Variants in ATP6V0A4 observed in about 807,000 individuals in gnomAD.
ATP6V0A4 encodes the protein V-type proton ATPase 116 kDa subunit a 4.
Under a neutral mutation model 107.3 loss-of-function variants are expected in ATP6V0A4, and 86 were observed. The observed-to-expected ratio is 0.80, with a 90% CI of 0.67 to 0.96. ATP6V0A4 has a LOEUF of 0.96. ATP6V0A4 is among the 40% of genes least tolerant of loss of function. The probability of loss-of-function intolerance (pLI) is 0.00; values close to 1 mark genes in which losing one functional copy is unlikely to be tolerated. For synonymous variants in ATP6V0A4, 353 were observed against 381.4 expected (o/e 0.93, Z 0.87); for missense variants, 908 against 1,045.6 (o/e 0.87, Z 1.81).
chr7:138,795,218 C>A lies in ATP6V0A4; in HGVS notation c.-121+2816G>T, dbSNP rs144823387. 1.5e-3 allele frequency among the ~76,000 whole-genome samples: 223 copies of A among 152,178 alleles called. 2 individuals carry two copies. Among genetic ancestry groups the A allele is most frequent in the African/African-American group, 5.1e-3 (211 of 41,552 alleles). On this transcript the variant is annotated intron_variant, in intron 1 of 21. Transcript: ENST00000310018. ...TGCCTGGCCCAGCCTATACTATTTT[C>A]GAATAACAAAGTTCTTCCATCTGTA...
At chr7:138,707,868 C>G (rs1261884102) in intron 21 of ATP6V0A4, among the ~76,000 whole-genome samples, 4 of 151,614 alleles carry the variant, frequency 2.6e-5, no homozygotes, top group Non-Finnish European at 5.9e-5. Flanking sequence ...CAAGCCAAGA[C>G]ACCCTCACTG....
intron 1 of ATP6V0A4, among the ~76,000 whole-genome samples, chr7:138,788,808 A>G (rs1268214701): frequency 3.9e-5 from 6 of 152,004 alleles, no homozygotes; most frequent in Admixed American, 3.3e-4. Flanking sequence ...TCCCCTTCAC[A>G]CGCTTTCTTG....
At chr7:138,782,840 CGAGGCAGTTGGATCGCCT>C (rs1563019941) in intron 2 of ATP6V0A4, among the ~76,000 whole-genome samples, 2 of 151,986 alleles carry the variant, frequency 1.3e-5, no homozygotes, top group African/African-American at 4.8e-5. Context: ...TTTGGGAGGC[CGAGGCAGTTGGATCGCCT>C]GAGGTCAGGA....
chr7:138,771,055 C>T, intron 3 of ATP6V0A4, 76 bp downstream of exon 3: 1 of 1,372,632 alleles, frequency 7.3e-7, no homozygotes. Flanking sequence ...TATTGTTCAC[C>T]ATAAAGAAGT....
At chr7:138,719,100 C>A (rs1017623519) in intron 19 of ATP6V0A4, among the ~76,000 whole-genome samples, 1 of 151,932 alleles carries the variant, frequency 6.6e-6, no homozygotes, top group Non-Finnish European at 1.5e-5. Context: ...GCAGGAAGAT[C>A]GCTTGGGCTC....
At chr7:138,779,814 G>C (rs1032414796) in intron 2 of ATP6V0A4, among the ~76,000 whole-genome samples, 1 of 152,004 alleles carries the variant, frequency 6.6e-6, no homozygotes, top group Non-Finnish European at 1.5e-5. Context: ...CATGATAAAA[G>C]GAAAAGAGAG....
chr7:138,720,576 C>T (rs774435526), intron 19 of ATP6V0A4, among the ~76,000 whole-genome samples: 1 of 152,092 alleles, frequency 6.6e-6, no homozygotes, highest in African/African-American at 2.4e-5. Context: ...TCACTCTGTA[C>T]CTAGAATTTT....
chr7:138,768,650 G>T (rs540413922), intron 5 of ATP6V0A4, 130 bp downstream of exon 5: 8 of 1,131,220 alleles, frequency 7.1e-6, no homozygotes, highest in Non-Finnish European at 8.7e-6. Flanking sequence ...AGAGGGAGAC[G>T]ACCATGCAGG....
rs560499613 is a variant in ATP6V0A4, at chr7:138,709,754, G to A, written c.2299C>T (p.Leu767Phe). 80 of 1,614,074 alleles carry A rather than the reference G, an allele frequency of 5.0e-5. 1 individual carries two copies. The South Asian group carries it at 8.3e-4, about 17-fold the overall frequency. ...ATTCCTCCCCAGCCTCGCGTCTGAA[G>A]GCCGCTGTTCATCACCATAGTCCAG... ...VLWTMVMNSG[L>F]QTRGWGGIVG... is the part of the protein sequence containing the mutation. The change falls in exon 21 of 22, where the codon CTT becomes TTT. Residue 767 changes from leucine (L) to phenylalanine (F), a missense_variant. Transcript: ENST00000310018.
chr7:138,778,604 GC>G (rs1443465281), intron 2 of ATP6V0A4, among the ~76,000 whole-genome samples: 4 of 152,116 alleles, frequency 2.6e-5, no homozygotes, highest in Non-Finnish European at 4.4e-5. Flanking sequence ...AAGCCTGCTC[GC>G]TCTAGCAAAA....
chr7:138,786,494 G>A (rs564620206), intron 1 of ATP6V0A4, among the ~76,000 whole-genome samples: 423 of 151,948 alleles, frequency 2.8e-3, no homozygotes, highest in African/African-American at 9.1e-3. Flanking sequence ...TGGGAGGATC[G>A]CTTGAGCCAG....
intron 3 of ATP6V0A4, 24 bp from the exon 4 acceptor site, chr7:138,769,275 T>C: frequency 1.9e-6 from 3 of 1,606,032 alleles, no homozygotes; most frequent in Middle Eastern, 1.8e-4. Context: ...AATCACAAGA[T>C]ACATGTTAGT....
intron 19 of ATP6V0A4, among the ~76,000 whole-genome samples, chr7:138,721,245 G>A (rs1454386036): frequency 6.6e-6 from 1 of 152,028 alleles, no homozygotes; most frequent in African/African-American, 2.4e-5. Context: ...ACATTATAAA[G>A]AGATCATAGG....
intron 17 of ATP6V0A4, among the ~76,000 whole-genome samples, chr7:138,730,950 TG>T (rs1804980298): frequency 6.7e-6 from 1 of 150,004 alleles, no homozygotes; most frequent in African/African-American, 2.5e-5. Flanking sequence ...TTTTTTTTTT[TG>T]AGACAGAGTT....
chr7:138,771,727 C>T (rs574633869), intron 2 of ATP6V0A4, among the ~76,000 whole-genome samples: 15 of 152,284 alleles, frequency 9.9e-5, no homozygotes, highest in African/African-American at 3.1e-4. Flanking sequence ...TCAAGAGATC[C>T]TCCTGCCTCA....
At chr7:138,792,037 G>T (rs1808434860) in intron 1 of ATP6V0A4, among the ~76,000 whole-genome samples, 2 of 152,274 alleles carry the variant, frequency 1.3e-5, no homozygotes, top group South Asian at 4.1e-4. Flanking sequence ...GGCCAGGTGT[G>T]GTGGCTCACG....
At chr7:138,739,677 G>A in intron 14 of ATP6V0A4, 44 bp from the exon 15 acceptor site, 4 of 1,609,512 alleles carry the variant, frequency 2.5e-6, no homozygotes, top group Middle Eastern at 1.7e-4. Flanking sequence ...GATCAACCGG[G>A]GCAGAAAAGA....
chr7:138,718,670 TCGGGG>T (rs1233800411), intron 19 of ATP6V0A4, among the ~76,000 whole-genome samples: 4 of 39,914 alleles, frequency 1.0e-4, no homozygotes, highest in African/African-American at 3.6e-4. Flanking sequence ...AGGAAGGAAT[TCGGGG>T]CGGGGGGGGG....
intron 2 of ATP6V0A4, among the ~76,000 whole-genome samples, chr7:138,781,972 C>T (rs983540475): frequency 7.9e-5 from 12 of 151,930 alleles, no homozygotes; most frequent in African/African-American, 2.9e-4. Context: ...GCCACTGCAC[C>T]TGGACCCCAA....
Sources: gnomAD v4.1 joint callset for allele counts (sites outside exome capture counted in the v4.1 genomes callset) on GRCh38, gnomAD v4.1.1 for gene constraint, MANE v1.5 for transcripts, NCBI Gene and HGNC (gene_info 2026-07-23, HGNC 2026-07-21) for gene names.